The following DNAH9 variants were observed in gnomAD, a reference collection of about 807,000 sequenced individuals.
DNAH9 encodes dynein axonemal heavy chain 9, also known as DNAH9 variant protein.
In DNAH9, 345 loss-of-function variants were observed where a neutral mutation model predicts 471.6. The ratio of observed to expected loss-of-function variants is 0.73; its 90% CI spans 0.67 to 0.80. The LOEUF (loss-of-function observed/expected upper bound fraction) is 0.80. DNAH9 is among the 30% of genes least tolerant of loss of function. The pLI is 0.00. For missense variants in DNAH9, 5,407 were observed against 5,609.2 expected (o/e 0.96, Z 1.15); for synonymous variants, 2,093 against 2,123.6 (o/e 0.99, Z 0.40).
intron 1 of DNAH9, 92 bp downstream of exon 1, chr17:11,599,007 G>A: frequency 9.5e-7 from 1 of 1,051,454 alleles, no homozygotes; most frequent in African/African-American, 1.7e-5. Context: ...AGAGGGGGCG[G>A]GGCGAAGCTG....
intron 1 of DNAH9, among the ~76,000 whole-genome samples, chr17:11,604,540 A>G (rs894267150): frequency 6.6e-5 from 10 of 152,054 alleles, no homozygotes; most frequent in Admixed American, 5.2e-4. Context: ...TCTCTATCTT[A>G]AAGTCCAATC....
intron 38 of DNAH9, among the ~76,000 whole-genome samples, chr17:11,773,188 A>G (rs1968285095): frequency 6.6e-6 from 1 of 152,258 alleles, no homozygotes; most frequent in Non-Finnish European, 1.5e-5. Flanking sequence ...CTCATTTTGC[A>G]GCCCAGTGTC....
chr17:11,610,660 A>G (rs1455922899), intron 3 of DNAH9, 106 bp downstream of exon 3: 9 of 1,087,400 alleles, frequency 8.3e-6, no homozygotes, highest in Non-Finnish European at 1.2e-5. Flanking sequence ...TCTTCCCTAT[A>G]GGTATTTCAC....
chr17:11,891,801 G>C lies in DNAH9; in HGVS notation c.11137G>C (p.Ala3713Pro). ...LKAFSIVFQK[A>P]VERAAPDESL... ...GGCCTTCAGTATCGTCTTCCAGAAG[G>C]CTGTGGAGAGGGCTGCTCCTGACGA... is the stretch of plus-strand genomic sequence containing the variant. The change falls in exon 58 of 69, where the codon GCT (alanine) becomes CCT (proline). Residue 3713 changes from alanine (A) to proline (P), a missense_variant. Transcript: ENST00000262442. 6.2e-7 allele frequency: 1 copy of C among 1,614,076 alleles called. No individual in the cohort carries two copies. Among genetic ancestry groups the C allele is most frequent in the African/African-American group, 1.3e-5 (1 of 75,022 alleles).
chr17:11,737,406 G>C (rs1258471627), intron 28 of DNAH9, among the ~76,000 whole-genome samples: 1 of 134,374 alleles, frequency 7.4e-6, no homozygotes, highest in South Asian at 2.4e-4. Flanking sequence ...TGCTCTTCTA[G>C]CACCCTGGAC....
Position 11,962,309 on chromosome 17 carries a change from C to T in DNAH9, c.13233+53C>T. 1 of 1,519,310 alleles carries T rather than the reference C, an allele frequency of 6.6e-7. No individual in the cohort carries two copies. The highest frequency in any genetic ancestry group is 8.8e-7 in the Non-Finnish European group (1 of 1,139,534). The allele number at this position is 1,519,310 out of a possible 1,614,324, so 94.1% of individuals were successfully genotyped here. A position where few individuals can be genotyped will look rare whatever the true frequency, so the allele number is the denominator to read the frequency against. On this transcript the variant is annotated intron_variant, in intron 68 of 68. Transcript: ENST00000262442. The surrounding 1 kb of genome is among the most constrained non-coding windows in gnomAD (Gnocchi z 4.1). ...GCTTTCTGGGGGCTGATTAAATACA[C>T]ATTGCTTCCTATGAAGTGTGACTAC...
At chr17:11,968,885 CA>C (rs535292822) in intron 68 of DNAH9, among the ~76,000 whole-genome samples, 21 of 152,280 alleles carry the variant, frequency 1.4e-4, no homozygotes, top group Non-Finnish European at 2.6e-4. Context: ...AGAAACAGGA[CA>C]TAACAAAAGC....
rs1976281494 is a variant in DNAH9 at position 11,962,346 on chromosome 17, T to C, written c.13233+90T>C. ...TGAAGTGTGACTACTAAAAGAGATA[T>C]TCCTGAATCTTTTTCTCTAGCTAAC... On this transcript the variant is annotated intron_variant, in intron 68 of 68. Coordinates refer to ENST00000262442, the MANE Select transcript of DNAH9 (RefSeq NM_001372.4). This position sits in a 1 kb window ranked among gnomAD's most constrained non-coding sequence, Gnocchi z 4.1. The C allele has an allele frequency of 1.4e-6, 2 of 1,471,720 alleles. No homozygotes were observed. The highest frequency in any genetic ancestry group is 1.4e-5 in the African/African-American group (1 of 70,954). 91.2% of individuals were successfully genotyped at this position (1,471,720 alleles called of 1,614,324 possible). A position where few individuals can be genotyped will look rare whatever the true frequency, so the allele number is the denominator to read the frequency against.
intron 22 of DNAH9, among the ~76,000 whole-genome samples, chr17:11,695,500 GT>G (rs1356403453): frequency 6.6e-6 from 1 of 152,210 alleles, no homozygotes; most frequent in Non-Finnish European, 1.5e-5. Context: ...GTTCTAGACA[GT>G]TACTAGCCAT....
chr17:11,940,836 A>G (rs1049017818), intron 66 of DNAH9, among the ~76,000 whole-genome samples: 13 of 152,302 alleles, frequency 8.5e-5, no homozygotes, highest in African/African-American at 2.9e-4. Context: ...TTGAGGCCTA[A>G]GTAACTTGCT....
At chr17:11,879,573 A>T (rs993717791) in intron 53 of DNAH9, among the ~76,000 whole-genome samples, 1 of 152,174 alleles carries the variant, frequency 6.6e-6, no homozygotes, top group South Asian at 2.1e-4. Flanking sequence ...TATTTATTAA[A>T]CTCTACATAA....
In DNAH9 at chr17:11,825,014, G is replaced by A. The variant is rs369010412; in HGVS notation, c.9246+1980G>A. ...TTCTTTATTTACCTTCAGGAAACAT[G>A]AGATCACTTCAAACTCAACGTTTGC... On this transcript the variant is annotated intron_variant, in intron 48 of 68. Coordinates refer to ENST00000262442, the MANE Select transcript of DNAH9 (RefSeq NM_001372.4). 2.9e-4 allele frequency among the ~76,000 whole-genome samples: 44 copies of A among 151,016 alleles called. No individual in the cohort carries two copies. In the East Asian group the frequency reaches 6.8e-3, roughly 24 times the overall value.
Position 11,629,490 on chromosome 17 carries a change from T to A in DNAH9, c.1424T>A (p.Leu475Gln), listed in dbSNP as rs1318361237. ...TTCAGCGGCGTCAGAGGGAATGCTC[T>A]GAGTCAGCAGGTCCAGCAAATGCAT... ...VEFSGVRGNA[L>Q]SQQVQQMHEE... Residue 475 changes from leucine (L) to glutamine (Q), a missense_variant, in exon 7 of 69, where the codon CTG (leucine) becomes CAG (glutamine). Physicochemically the swap from Leu to Gln is moderately radical, Grantham distance 113. Coordinates refer to ENST00000262442, the MANE Select transcript of DNAH9 (RefSeq NM_001372.4). 6.2e-6 allele frequency: 10 copies of A among 1,614,060 alleles called. No individual in the cohort carries two copies. The highest frequency in any genetic ancestry group is 8.5e-6 in the Non-Finnish European group (10 of 1,180,018).
intron 43 of DNAH9, among the ~76,000 whole-genome samples, chr17:11,798,845 T>C (rs547384156): frequency 6.6e-6 from 1 of 151,860 alleles, no homozygotes; most frequent in African/African-American, 2.4e-5. Context: ...TAGAGAGGAG[T>C]AAGTAACCTC....
rs1361258127 is a variant in DNAH9 at position 11,747,654 on chromosome 17, G to C, written c.6498G>C (p.Lys2166Asn). The stretch of plus-strand genomic sequence containing the variant: ...CACAGGTGCTGAGGTCCTTGCACAA[G>C]ACCTATCAGATCATGAAACGGCGCC... ...GKSQVLRSLH[K>N]TYQIMKRRPV... Residue 2166 changes from lysine (K) to asparagine (N), a missense_variant, in exon 32 of 69, where the codon AAG becomes AAC. Coordinates refer to ENST00000262442, the MANE Select transcript of DNAH9 (RefSeq NM_001372.4). 1 of 1,614,044 alleles carries C rather than the reference G, an allele frequency of 6.2e-7. No individual in the cohort carries two copies. The highest frequency in any genetic ancestry group is 8.5e-7 in the Non-Finnish European group (1 of 1,180,034).
At chr17:11,607,517 A>G (rs1052794343) in intron 1 of DNAH9, among the ~76,000 whole-genome samples, 2 of 152,164 alleles carry the variant, frequency 1.3e-5, no homozygotes, top group Non-Finnish European at 2.9e-5. Context: ...TCTGCTTCTC[A>G]GGGATAAGCG....
intron 39 of DNAH9, among the ~76,000 whole-genome samples, chr17:11,782,741 A>G (rs897181657): frequency 1.3e-5 from 2 of 152,144 alleles, no homozygotes; most frequent in African/African-American, 2.4e-5. Flanking sequence ...TACTAAAAAT[A>G]TAAAAATTAG....
At chr17:11,627,033 T>G (rs1205537369) in intron 6 of DNAH9, among the ~76,000 whole-genome samples, 1 of 152,068 alleles carries the variant, frequency 6.6e-6, no homozygotes, top group Non-Finnish European at 1.5e-5. Flanking sequence ...TTCCAGAGTG[T>G]GATAAGCGCT....
intron 41 of DNAH9, 33 bp downstream of exon 41, chr17:11,784,572 C>CT: frequency 6.2e-7 from 1 of 1,613,444 alleles, no homozygotes; most frequent in Non-Finnish European, 8.5e-7. Context: ...ACCCTAGGGG[C>CT]TTAGTGATTA....
Sources: gnomAD v4.1 joint callset for allele counts (sites outside exome capture counted in the v4.1 genomes callset) on GRCh38, gnomAD v4.1.1 for gene constraint, Gnocchi (gnomAD v3.1) non-coding constraint, MANE v1.5 for transcripts, NCBI Gene and HGNC (gene_info 2026-07-23, HGNC 2026-07-21) for gene names.